The following EVI5 variants were observed in gnomAD, a reference collection of about 807,000 sequenced individuals.
The protein encoded by EVI5 is ecotropic viral integration site 5, also known as ecotropic viral integration site 5 protein homolog.
EVI5 carries 73 observed loss-of-function variants against 112.0 expected under a neutral mutation model. The observed-to-expected ratio is 0.65, with a 90% confidence interval of 0.54 to 0.79. The LOEUF is 0.79. EVI5 is among the 30% of genes least tolerant of loss of function. EVI5 has a pLI of 0.00. For synonymous variants in EVI5, 305 were observed against 319.9 expected (o/e 0.95, Z 0.50); for missense variants, 900 against 968.8 (o/e 0.93, Z 0.94).
intron 1 of EVI5, among the ~76,000 whole-genome samples, chr1:92,779,272 T>C (rs1330733306): frequency 6.6e-6 from 1 of 152,106 alleles, no homozygotes; most frequent in African/African-American, 2.4e-5. Flanking sequence ...GCTGTAGTCC[T>C]AGCACTTTGG....
chr1:92,558,855 G>GCAAAA (rs1326139448), intron 19 of EVI5, among the ~76,000 whole-genome samples: 5 of 148,378 alleles, frequency 3.4e-5, no homozygotes, highest in Admixed American at 2.7e-4. Context: ...AAAAAAAAGG[G>GCAAAA]CAAAACAAAA....
chr1:92,680,252 C>A (rs150889236), intron 9 of EVI5, among the ~76,000 whole-genome samples: 1 of 152,050 alleles, frequency 6.6e-6, no homozygotes, highest in Non-Finnish European at 1.5e-5. Flanking sequence ...CTCATTACTG[C>A]GCAGGAGCCA....
chr1:92,518,059 G>A (rs1660245332), intron 19 of EVI5, among the ~76,000 whole-genome samples: 1 of 151,722 alleles, frequency 6.6e-6, no homozygotes. Context: ...CACCACACCT[G>A]GAAAACTTTT....
intron 19 of EVI5, among the ~76,000 whole-genome samples, chr1:92,539,560 A>AACC (rs1553174063): frequency 0.056 from 7,666 of 137,652 alleles, 607 homozygotes; most frequent in African/African-American, 0.11. Context: ...AAAAAAAAAA[A>AACC]AAAAAATCTT....
intron 1 of EVI5, among the ~76,000 whole-genome samples, chr1:92,777,925 T>G (rs1017954620): frequency 1.3e-5 from 2 of 150,960 alleles, no homozygotes; most frequent in South Asian, 2.1e-4. Context: ...TTTTTTTTTT[T>G]TGTGACGGAG....
upstream of EVI5, among the ~76,000 whole-genome samples, chr1:92,786,360 A>G (rs1039355709): frequency 1.3e-5 from 2 of 152,116 alleles, no homozygotes; most frequent in African/African-American, 4.8e-5. Context: ...TATCTGAGGC[A>G]TATGTTTGCA....
intron 19 of EVI5, among the ~76,000 whole-genome samples, chr1:92,553,584 A>G (rs1667286652): frequency 6.6e-6 from 1 of 152,004 alleles, no homozygotes; most frequent in African/African-American, 2.4e-5. Context: ...TACAGGCGTG[A>G]GCCACCGTGC....
rs192083299 is a variant in EVI5, at chr1:92,631,852, C to T, written c.1527+4350G>A. Reference sequence around the variant, plus strand: ...CAGCTCTTATGATTTTGAGATACGTCCCATTGATACCTAATTTATTGAGAG... The same window carrying T: ...CAGCTCTTATGATTTTGAGATACGTTCCATTGATACCTAATTTATTGAGAG... On this transcript the variant is annotated intron_variant, in intron 14 of 19. Transcript: ENST00000684568. 4.9e-4 allele frequency among the ~76,000 whole-genome samples: 75 copies of T among 152,246 alleles called. No homozygotes were observed. In the East Asian group the frequency reaches 0.014, roughly 28 times the overall value.
At chr1:92,518,604 A>G (rs557200785) in intron 19 of EVI5, among the ~76,000 whole-genome samples, 18 of 151,932 alleles carry the variant, frequency 1.2e-4, no homozygotes, top group African/African-American at 4.1e-4. Flanking sequence ...ATTCGAGGAT[A>G]GTATCTCCGA....
chr1:92,779,970 A>G (rs1180479693), intron 1 of EVI5, among the ~76,000 whole-genome samples: 3 of 152,186 alleles, frequency 2.0e-5, no homozygotes, highest in African/African-American at 7.2e-5. Context: ...TATTTTCTAG[A>G]AACTCTGACC....
intron 2 of EVI5, among the ~76,000 whole-genome samples, chr1:92,720,003 C>G (rs1262201695): frequency 6.6e-6 from 1 of 152,002 alleles, no homozygotes; most frequent in Non-Finnish European, 1.5e-5. Flanking sequence ...GAACTACAAA[C>G]CACTGCTCAA....
intron 4 of EVI5, 59 bp downstream of exon 4, chr1:92,703,336 T>C: frequency 9.6e-7 from 1 of 1,040,354 alleles, no homozygotes; most frequent in Non-Finnish European, 1.4e-6. Flanking sequence ...ATGAAAAATG[T>C]ATAATTTCAA....
At chr1:92,522,036 T>C (rs1661018384) in intron 19 of EVI5, among the ~76,000 whole-genome samples, 1 of 152,246 alleles carries the variant, frequency 6.6e-6, no homozygotes, top group Admixed American at 6.5e-5. Context: ...TTTAATAACC[T>C]GCTTTTTCAC....
chr1:92,749,210 T>A, intron 1 of EVI5: 1 of 326,312 alleles, frequency 3.1e-6, no homozygotes, highest in Non-Finnish European at 6.1e-6. Context: ...GGCACACTCT[T>A]GCAAGCAGCT....
chr1:92,534,898 G>A lies in EVI5; in HGVS notation c.2167-20928C>T, dbSNP rs530958744. Reference sequence around the variant, plus strand: ...CATGATTAAAACACCAAAAGCAATGGCAACAAAAGCCAAAATAGACAAATG... The same window carrying A: ...CATGATTAAAACACCAAAAGCAATGACAACAAAAGCCAAAATAGACAAATG... On this transcript the variant is annotated intron_variant, in intron 19 of 19. Coordinates refer to ENST00000684568, the MANE Select transcript of EVI5 (RefSeq NM_001350197.2). 7.9e-4 allele frequency among the ~76,000 whole-genome samples: 120 copies of A among 152,238 alleles called. 1 individual carries two copies. Among genetic ancestry groups the A allele is most frequent in the African/African-American group, 2.8e-3 (115 of 41,540 alleles).
intron 19 of EVI5, among the ~76,000 whole-genome samples, chr1:92,521,832 A>C (rs1660988416): frequency 6.6e-6 from 1 of 152,232 alleles, no homozygotes; most frequent in South Asian, 2.1e-4. Flanking sequence ...AATTGTCAAA[A>C]AATGGTCTTC....
intron 18 of EVI5, among the ~76,000 whole-genome samples, chr1:92,581,254 C>T (rs1671888489): frequency 6.6e-6 from 1 of 152,188 alleles, no homozygotes; most frequent in Non-Finnish European, 1.5e-5. Context: ...TAAACAAGGG[C>T]TCTTCTTACT....
In EVI5 at chr1:92,605,404, T is replaced by C. The variant is rs1421402467; in HGVS notation, c.1975-2A>G. 6.2e-7 allele frequency: 1 copy of C among 1,604,264 alleles called. No homozygotes were observed. Reference sequence around the variant, plus strand: ...CACAGCCATCACTTCTTCCTTATTCTAGTGTGGTAAACCAAACCGAAACAA... The same window carrying C: ...CACAGCCATCACTTCTTCCTTATTCCAGTGTGGTAAACCAAACCGAAACAA... On this transcript the variant is annotated splice_acceptor_variant, in intron 17 of 19. Transcript: ENST00000684568. LOFTEE classifies it high-confidence loss of function.
At chr1:92,739,314 TA>T in intron 1 of EVI5, among the ~76,000 whole-genome samples, 1 of 139,556 alleles carries the variant, frequency 7.2e-6, no homozygotes, top group East Asian at 2.1e-4. Context: ...TTGAAAATGC[TA>T]AAACCATCAT....
Sources: allele counts gnomAD v4.1 joint callset (sites outside exome capture counted in the v4.1 genomes callset), GRCh38; gene constraint gnomAD v4.1.1; transcripts MANE v1.5; gene names NCBI Gene and HGNC (gene_info 2026-07-23, HGNC 2026-07-21).